The following FAF1 variants were observed in gnomAD, a reference collection of about 807,000 sequenced individuals.
The protein encoded by FAF1 is FAS-associated factor 1.
FAF1 carries 25 observed loss-of-function variants against 92.5 expected under a neutral mutation model. That is an observed-to-expected ratio of 0.27 (90% CI 0.20 to 0.38). The LOEUF (loss-of-function observed/expected upper bound fraction) is 0.38, where lower values mean the gene tolerates loss of function less well. Among genes scored for constraint, FAF1 ranks in the 10% least tolerant of loss-of-function variants. FAF1 has a pLI of 1.00. For synonymous variants in FAF1, 234 were observed against 273.2 expected (o/e 0.86, Z 1.42); for missense variants, 636 against 793.3 (o/e 0.80, Z 2.38).
chr1:50,525,218 C>A (rs1413490877), intron 15 of FAF1, among the ~76,000 whole-genome samples: 2 of 152,092 alleles, frequency 1.3e-5, no homozygotes, highest in South Asian at 2.1e-4. Context: ...TTTTCTAGTT[C>A]TGTGAAGAAT....
chr1:50,697,560 A>G (rs1182969971), intron 7 of FAF1, among the ~76,000 whole-genome samples: 1 of 152,150 alleles, frequency 6.6e-6, no homozygotes, highest in African/African-American at 2.4e-5. Context: ...AACAAATTTC[A>G]TCTTAGTGGC....
At chr1:50,637,640 GC>G (rs1320152192) in intron 8 of FAF1, among the ~76,000 whole-genome samples, 2 of 150,848 alleles carry the variant, frequency 1.3e-5, no homozygotes, top group Non-Finnish European at 2.9e-5. Context: ...CTGAATGTAG[GC>G]CAGGCTCTGT....
rs148690535 is a variant in FAF1, at chr1:50,511,931, G to A, written c.1495-20130C>T. On this transcript the variant is annotated intron_variant, in intron 15 of 18. Transcript: ENST00000396153. ...ATTGTTCCCTGACTTTTTAATGATC[G>A]CCATTCTAACTGGCGTGAGATGGTA... 7.0e-4 allele frequency among the ~76,000 whole-genome samples: 107 copies of A among 152,150 alleles called. 2 individuals are homozygous for A. In the East Asian group the frequency reaches 0.016, roughly 23 times the overall value.
intron 4 of FAF1, among the ~76,000 whole-genome samples, chr1:50,761,508 T>A (rs1400100262): frequency 1.3e-5 from 2 of 152,058 alleles, no homozygotes; most frequent in African/African-American, 4.8e-5. Flanking sequence ...GTGGGCTTCA[T>A]CCCTGGGATG....
At chr1:50,780,521 C>G (rs906604791) in intron 4 of FAF1, 1 of 193,434 alleles carries the variant, frequency 5.2e-6, no homozygotes, top group African/African-American at 2.4e-5. Flanking sequence ...CCCCTGGGTA[C>G]GGAAACCAAT....
At chr1:50,683,847 G>T (rs1363624500) in intron 7 of FAF1, among the ~76,000 whole-genome samples, 7 of 151,124 alleles carry the variant, frequency 4.6e-5, no homozygotes, top group Admixed American at 4.6e-4. Flanking sequence ...CAGGAAAATA[G>T]CTTGAACCTA....
intron 2 of FAF1, among the ~76,000 whole-genome samples, chr1:50,828,666 C>T (rs769485382): frequency 6.6e-6 from 1 of 151,992 alleles, no homozygotes; most frequent in African/African-American, 2.4e-5. Flanking sequence ...AATTAACTTT[C>T]GATAAATTAC....
At chr1:50,747,961 C>T (rs1301573779) in intron 4 of FAF1, among the ~76,000 whole-genome samples, 1 of 152,206 alleles carries the variant, frequency 6.6e-6, no homozygotes, top group Non-Finnish European at 1.5e-5. Context: ...GAAGCCTCCC[C>T]AGAAGTAGAT....
At chr1:50,944,951 G>A (rs920543255) in intron 1 of FAF1, among the ~76,000 whole-genome samples, 1 of 152,060 alleles carries the variant, frequency 6.6e-6, no homozygotes, top group Non-Finnish European at 1.5e-5. Context: ...ATCCTTTTCT[G>A]GGGACAGCTA....
chr1:50,689,397 A>C (rs770695153), intron 7 of FAF1, among the ~76,000 whole-genome samples: 11 of 152,278 alleles, frequency 7.2e-5, no homozygotes, highest in South Asian at 6.2e-4. Context: ...ATCCTCGCTA[A>C]CACAGTGAAA....
At chr1:50,748,114 T>C (rs1281307238) in intron 4 of FAF1, among the ~76,000 whole-genome samples, 2 of 152,176 alleles carry the variant, frequency 1.3e-5, no homozygotes, top group Non-Finnish European at 2.9e-5. Flanking sequence ...GAGAAAGCTT[T>C]GTGAGAGAAA....
intron 8 of FAF1, among the ~76,000 whole-genome samples, chr1:50,628,912 G>C (rs149106007): frequency 1.7e-4 from 26 of 152,220 alleles, no homozygotes; most frequent in African/African-American, 5.3e-4. Context: ...TTCTTTGGGG[G>C]TTCAAATCCC....
At chr1:50,484,851 TG>T (rs1407171561) in intron 17 of FAF1, among the ~76,000 whole-genome samples, 1 of 151,522 alleles carries the variant, frequency 6.6e-6, no homozygotes, top group African/African-American at 2.4e-5. Context: ...TTAAAACTAT[TG>T]TTTTTTTTAA....
At chr1:50,690,516 G>C (rs1278530810) in intron 7 of FAF1, among the ~76,000 whole-genome samples, 1 of 151,982 alleles carries the variant, frequency 6.6e-6, no homozygotes, top group Admixed American at 6.5e-5. Context: ...TAGGAGAATC[G>C]CTTGAACCTG....
intron 2 of FAF1, among the ~76,000 whole-genome samples, chr1:50,819,880 T>C (rs1644027957): frequency 6.9e-6 from 1 of 145,642 alleles, no homozygotes; most frequent in South Asian, 2.1e-4. Flanking sequence ...TATTTATTTA[T>C]ATATGTAAAT....
At chr1:50,948,520 TTTC>T (rs750770459) in intron 1 of FAF1, among the ~76,000 whole-genome samples, 3 of 151,142 alleles carry the variant, frequency 2.0e-5, no homozygotes, top group Non-Finnish European at 4.4e-5. Flanking sequence ...CTTATTTCTT[TTTC>T]TTTTCTTTTT....
At chr1:50,453,265 G>A (rs913368290) in intron 18 of FAF1, among the ~76,000 whole-genome samples, 6 of 152,194 alleles carry the variant, frequency 3.9e-5, no homozygotes, top group Non-Finnish European at 7.3e-5. Flanking sequence ...GTGCTCCTCA[G>A]GCCCAGTGGG....
chr1:50,715,032 C>G (rs77935192), intron 6 of FAF1: 1 of 430,518 alleles, frequency 2.3e-6, no homozygotes, highest in African/African-American at 2.1e-5. Flanking sequence ...AAATATATAT[C>G]TATTTGCATT....
chr1:50,722,318 C>T (rs1295451190), intron 6 of FAF1, among the ~76,000 whole-genome samples: 1 of 152,110 alleles, frequency 6.6e-6, no homozygotes, highest in African/African-American at 2.4e-5. Flanking sequence ...AAAAACTCAC[C>T]TCTAGAATGC....
Sources: allele counts gnomAD v4.1 joint callset (sites outside exome capture counted in the v4.1 genomes callset), GRCh38; gene constraint gnomAD v4.1.1; transcripts MANE v1.5; gene names NCBI Gene and HGNC (gene_info 2026-07-23, HGNC 2026-07-21).